DZIP1L: variants seen among roughly 807,000 people sequenced by gnomAD.
The protein encoded by DZIP1L is DAZ interacting zinc finger protein 1 like, also known as cilium assembly protein DZIP1L.
DZIP1L carries 90 observed loss-of-function variants against 88.7 expected under a neutral mutation model. That is an observed-to-expected ratio of 1.02 (90% CI 0.86 to 1.21). The LOEUF (loss-of-function observed/expected upper bound fraction) is 1.21, where lower values mean the gene tolerates loss of function less well. Among genes scored for constraint, DZIP1L ranks in the 50% most tolerant of loss-of-function variants. The probability of loss-of-function intolerance (pLI) is 0.00; values close to 1 mark genes in which losing one functional copy is unlikely to be tolerated. For missense variants in DZIP1L, 932 were observed against 955.8 expected, an observed-to-expected ratio of 0.98 and a Z score of 0.33; for synonymous variants, 363 against 372.1, an observed-to-expected ratio of 0.98 and a Z score of 0.28.
intron 11 of DZIP1L, 54 bp downstream of exon 11, chr3:138,077,445 C>A: frequency 4.4e-6 from 7 of 1,605,198 alleles, no homozygotes; most frequent in Non-Finnish European, 5.1e-6. Flanking sequence ...TCTGAGAACA[C>A]TTAGTGTCTA....
At chr3:138,089,094 T>A (rs1415621016) in intron 5 of DZIP1L, 1 of 985,304 alleles carries the variant, frequency 1.0e-6, no homozygotes, top group Non-Finnish European at 1.2e-6. Flanking sequence ...ATGACTGTCG[T>A]AGTAACAAAA....
At position 138,077,532 on chromosome 3, in the gene DZIP1L, C is replaced by G. The variant is rs1470736407; in HGVS notation, c.1389G>C (p.Leu463=). Residue 463 remains leucine (L), a synonymous_variant, in exon 11 of 16, where the codon CTG becomes CTC. Coordinates refer to ENST00000327532, the MANE Select transcript of DZIP1L (RefSeq NM_173543.3). ...TCCCCATGCTTTCGAGCTTCTCTTCCAGGGTGTCCTCCAGGATTGGTCTGA... is the reference window on the plus strand; with the variant it reads ...TCCCCATGCTTTCGAGCTTCTCTTCGAGGGTGTCCTCCAGGATTGGTCTGA... ...KHFRPILEDT[L]EEKLESMGIR... is the part of the protein sequence containing the mutation. The G allele has an allele frequency of 6.2e-7, 1 of 1,614,196 alleles. No homozygotes were observed. Among genetic ancestry groups the G allele is most frequent in the South Asian group, 1.1e-5 (1 of 91,086 alleles).
At position 138,068,159 on chromosome 3, in the gene DZIP1L, G is replaced by A. The variant is rs375252496; in HGVS notation, c.1824C>T (p.Pro608=). ...GPSSTPPSSG[P]GMSTPPFSSE... is the part of the protein sequence containing the mutation. ...CAGAGTCTGGGGCTCACCTCATCCC[G>A]GGCCCCGAGGAAGGAGGGGTGCTGG... Residue 608 remains proline, a synonymous_variant, in exon 13 of 16, where the codon CCC becomes CCT. Transcript: ENST00000327532. The A allele has an allele frequency of 2.7e-5, 40 of 1,504,158 alleles. No homozygotes were observed. Among genetic ancestry groups the A allele is most frequent in the Middle Eastern group, 2.2e-4 (1 of 4,446 alleles). 93.2% of individuals were successfully genotyped at this position (1,504,158 alleles called of 1,614,324 possible).
chr3:138,087,511 A>G (rs1252787794), intron 6 of DZIP1L, among the ~76,000 whole-genome samples: 4 of 152,272 alleles, frequency 2.6e-5, no homozygotes, highest in Non-Finnish European at 5.9e-5. Context: ...AATAACCACA[A>G]CTAGAACAAC....
chr3:138,075,637 C>G (rs1943370219), intron 11 of DZIP1L, among the ~76,000 whole-genome samples: 1 of 152,200 alleles, frequency 6.6e-6, no homozygotes, highest in Non-Finnish European at 1.5e-5. Context: ...ATCAAAACCT[C>G]TGGGATACAG....
intron 11 of DZIP1L, among the ~76,000 whole-genome samples, chr3:138,077,019 T>C (rs1943444554): frequency 6.6e-6 from 1 of 151,994 alleles, no homozygotes; most frequent in Non-Finnish European, 1.5e-5. Context: ...AAGTTATTAC[T>C]TCTCAAAAAA....
chr3:138,066,968 G>A (rs1942934426), intron 14 of DZIP1L, among the ~76,000 whole-genome samples: 1 of 152,160 alleles, frequency 6.6e-6, no homozygotes, highest in Non-Finnish European at 1.5e-5. Flanking sequence ...CCTGGCTGGA[G>A]TGTACCCTAC....
Position 138,062,613 on chromosome 3 carries a change from C to T in DZIP1L, c.*203G>A. Reference sequence around the variant, plus strand: ...GCCTGGGGACCTAGGGGCTCCTAGTCAGGCACCTGTGGCCATCTACAGCAG... The same window carrying T: ...GCCTGGGGACCTAGGGGCTCCTAGTTAGGCACCTGTGGCCATCTACAGCAG... On this transcript the variant is annotated 3_prime_UTR_variant, in exon 16 of 16. Coordinates refer to ENST00000327532, the MANE Select transcript of DZIP1L (RefSeq NM_173543.3). The T allele has an allele frequency of 3.6e-6, 2 of 552,868 alleles. No homozygotes were observed. The highest frequency in any genetic ancestry group is 6.2e-6 in the Non-Finnish European group (2 of 320,986). 34.2% of individuals were successfully genotyped at this position (552,868 alleles called of 1,614,324 possible). A position where few individuals can be genotyped will look rare whatever the true frequency, so the allele number is the denominator to read the frequency against.
chr3:138,101,898 G>A, intron 2 of DZIP1L: 1 of 1,442,226 alleles, frequency 6.9e-7, no homozygotes, highest in Non-Finnish European at 9.7e-7. Flanking sequence ...CATCCTTAAT[G>A]GCCAGCTCCC....
At chr3:138,106,988 G>A (rs2042514588) in intron 1 of DZIP1L, among the ~76,000 whole-genome samples, 1 of 152,172 alleles carries the variant, frequency 6.6e-6, no homozygotes, top group South Asian at 2.1e-4. Flanking sequence ...TACCTCACAG[G>A]GTGCTATGAG....
At chr3:138,087,227 T>C (rs1005443532) in intron 6 of DZIP1L, among the ~76,000 whole-genome samples, 1 of 152,016 alleles carries the variant, frequency 6.6e-6, no homozygotes, top group African/African-American at 2.4e-5. Flanking sequence ...TTGGAACAAA[T>C]GGCTAGCTAC....
In DZIP1L at chr3:138,068,183, G is replaced by T. The variant is rs201729246; in HGVS notation, c.1800C>A (p.Ser600=). ...CGGGCCCCGAGGAAGGAGGGGTGCT[G>T]GAGGGTCCATGCAGTCCGGGGCGTG... ...PAPRPGLHGP[S]STPPSSGPGM... Residue 600 remains serine (S), a synonymous_variant, in exon 13 of 16, where the codon TCC becomes TCA. Coordinates refer to ENST00000327532, the MANE Select transcript of DZIP1L (RefSeq NM_173543.3). 2.1e-5 allele frequency: 33 copies of T among 1,563,080 alleles called. No homozygotes were observed. The South Asian group carries it at 3.7e-4, about 17-fold the overall frequency.
chr3:138,070,542 T>C (rs1943130676), intron 12 of DZIP1L, among the ~76,000 whole-genome samples: 2 of 152,230 alleles, frequency 1.3e-5, no homozygotes, highest in African/African-American at 4.8e-5. Context: ...TTGATACTTG[T>C]CCAAGTAATA....
chr3:138,066,779 A>G (rs1942921991), intron 14 of DZIP1L, among the ~76,000 whole-genome samples: 1 of 151,800 alleles, frequency 6.6e-6, no homozygotes. Context: ...CAAGGATAGG[A>G]GAAACACCCT....
At chr3:138,082,179 C>T (rs1244673916) in intron 8 of DZIP1L, among the ~76,000 whole-genome samples, 2 of 152,236 alleles carry the variant, frequency 1.3e-5, no homozygotes, top group East Asian at 1.9e-4. Context: ...GAGTCAGACA[C>T]ATTCCCGGAC....
intron 11 of DZIP1L, among the ~76,000 whole-genome samples, chr3:138,074,452 G>C (rs1051901087): frequency 6.6e-6 from 1 of 152,150 alleles, no homozygotes; most frequent in African/African-American, 2.4e-5. Flanking sequence ...TTTGTATCCA[G>C]TGAAACTAAG....
intron 15 of DZIP1L, 79 bp downstream of exon 15, chr3:138,064,549 C>T (rs1942806971): frequency 1.2e-6 from 2 of 1,613,496 alleles, no homozygotes; most frequent in Non-Finnish European, 8.5e-7. Context: ...CCCTCCCCAA[C>T]CTTCACCCCA....
chr3:138,082,680 G>A (rs535308780), intron 8 of DZIP1L, among the ~76,000 whole-genome samples: 1 of 152,294 alleles, frequency 6.6e-6, no homozygotes, highest in Non-Finnish European at 1.5e-5. Flanking sequence ...AGTGGCACAT[G>A]CTGACATATG....
chr3:138,068,245 G>A lies in DZIP1L; in HGVS notation c.1738C>T (p.His580Tyr). The change falls in exon 13 of 16, where the codon CAT (histidine) becomes TAT (tyrosine). Residue 580 changes from histidine to tyrosine, a missense_variant. Transcript: ENST00000327532. ...GACACCTGGGTCAGGCTGGAGCCATGGCTGCCATGGCTCTGACGAGTTGGT... is the reference window on the plus strand; with the variant it reads ...GACACCTGGGTCAGGCTGGAGCCATAGCTGCCATGGCTCTGACGAGTTGGT... ...PPPTRQSHGSHGSSLTQVSAP... is the reference protein window; with the variant it reads ...PPPTRQSHGSYGSSLTQVSAP... 2 of 1,592,622 alleles carry A rather than the reference G, an allele frequency of 1.3e-6. No individual in the cohort carries two copies. The highest frequency in any genetic ancestry group is 1.7e-4 in the Middle Eastern group (1 of 5,954).
Sources: allele counts gnomAD v4.1 joint callset (sites outside exome capture counted in the v4.1 genomes callset), GRCh38; gene constraint gnomAD v4.1.1; transcripts MANE v1.5; gene names NCBI Gene and HGNC (gene_info 2026-07-23, HGNC 2026-07-21).